The following DOK5 variants were observed in gnomAD, a reference collection of about 807,000 sequenced individuals.
The protein encoded by DOK5 is docking protein 5.
In DOK5, 27 loss-of-function variants were observed where a neutral mutation model predicts 43.3. The observed-to-expected ratio is 0.62, with a 90% CI of 0.46 to 0.86. The LOEUF (loss-of-function observed/expected upper bound fraction) is 0.86. DOK5 is among the 40% of genes least tolerant of loss of function. The pLI is 0.00. For missense variants in DOK5, 373 were observed against 392.9 expected, an observed-to-expected ratio of 0.95 and a Z score of 0.43; for synonymous variants, 146 against 140.1, an observed-to-expected ratio of 1.04 and a Z score of -0.30.
At chr20:54,573,145 G>C (rs1985344884) in intron 2 of DOK5, among the ~76,000 whole-genome samples, 1 of 152,176 alleles carries the variant, frequency 6.6e-6, no homozygotes, top group Non-Finnish European at 1.5e-5. Context: ...AGGAAGTATG[G>C]AAGGAGAGGG....
intron 1 of DOK5, among the ~76,000 whole-genome samples, chr20:54,495,455 G>A (rs1447375977): frequency 2.0e-5 from 3 of 152,210 alleles, no homozygotes; most frequent in Non-Finnish European, 4.4e-5. Flanking sequence ...CCTACTGACT[G>A]AGGGGAGAAA....
chr20:54,482,772 C>T (rs1197881143), intron 1 of DOK5, among the ~76,000 whole-genome samples: 4 of 152,236 alleles, frequency 2.6e-5, no homozygotes, highest in Non-Finnish European at 4.4e-5. Context: ...GCTGGGATTA[C>T]AGGCGTGAGC....
chr20:54,564,254 T>C (rs1419808826), intron 2 of DOK5, among the ~76,000 whole-genome samples: 7 of 151,990 alleles, frequency 4.6e-5, no homozygotes, highest in Non-Finnish European at 8.8e-5. Flanking sequence ...AAACCCCGTC[T>C]CTACTAAAAA....
intron 1 of DOK5, among the ~76,000 whole-genome samples, chr20:54,493,708 G>T (rs1249594685): frequency 6.6e-6 from 1 of 152,114 alleles, no homozygotes; most frequent in African/African-American, 2.4e-5. Context: ...AGGCTGAGGT[G>T]GGAGGATTGC....
Position 54,651,098 on chromosome 20 carries a change from T to G in DOK5, c.*619T>G, listed in dbSNP as rs1404834866. ...TGCTTTCCTCACCCCTTTACCCCCC[T>G]TTTTGAAAGCCTTTATTTTGTTCGG... is the stretch of plus-strand genomic sequence containing the variant. On this transcript the variant is annotated 3_prime_UTR_variant, in exon 8 of 8. Coordinates refer to ENST00000262593, the MANE Select transcript of DOK5 (RefSeq NM_018431.5). 1 of 152,208 alleles carries G rather than the reference T, an allele frequency of 6.6e-6. No individual in the cohort carries two copies. Among genetic ancestry groups the G allele is most frequent in the Non-Finnish European group, 1.5e-5 (1 of 68,056 alleles). 9.4% of individuals were successfully genotyped at this position (152,208 alleles called of 1,614,324 possible). A position where few individuals can be genotyped will look rare whatever the true frequency, so the allele number is the denominator to read the frequency against.
At chr20:54,503,882 C>G (rs1278987489) in intron 1 of DOK5, among the ~76,000 whole-genome samples, 2 of 152,148 alleles carry the variant, frequency 1.3e-5, no homozygotes, top group Non-Finnish European at 2.9e-5. Context: ...CTAGAAGCAT[C>G]TGATTTTCAA....
At chr20:54,626,906 T>C (rs1978330851) in intron 6 of DOK5, among the ~76,000 whole-genome samples, 1 of 152,214 alleles carries the variant, frequency 6.6e-6, no homozygotes, top group African/African-American at 2.4e-5. Flanking sequence ...TTAAATTTTA[T>C]TGGAACACAG....
chr20:54,553,469 A>G (rs1053507961), intron 1 of DOK5, among the ~76,000 whole-genome samples: 1 of 151,038 alleles, frequency 6.6e-6, no homozygotes, highest in Non-Finnish European at 1.5e-5. Context: ...TGCTGGGATT[A>G]CAGGCGTGAG....
At chr20:54,633,272 G>A (rs1978655527) in intron 6 of DOK5, among the ~76,000 whole-genome samples, 2 of 152,152 alleles carry the variant, frequency 1.3e-5, no homozygotes, top group Admixed American at 6.6e-5. Flanking sequence ...ATTTTCACAA[G>A]AGAATAAGTA....
At chr20:54,644,083 G>A (rs896133884) in intron 7 of DOK5, among the ~76,000 whole-genome samples, 1 of 152,196 alleles carries the variant, frequency 6.6e-6, no homozygotes, top group African/African-American at 2.4e-5. Context: ...AAGTCCTCCA[G>A]GTGATTCTCC....
chr20:54,619,831 A>G (rs1393941479), intron 6 of DOK5, among the ~76,000 whole-genome samples: 1 of 152,242 alleles, frequency 6.6e-6, no homozygotes, highest in Admixed American at 6.5e-5. Flanking sequence ...TATGCTACAC[A>G]TTTGGCTTTC....
intron 6 of DOK5, among the ~76,000 whole-genome samples, chr20:54,635,671 A>T (rs2146821873): frequency 6.6e-6 from 1 of 152,278 alleles, no homozygotes; most frequent in Admixed American, 6.5e-5. Context: ...AACATATAAA[A>T]CCAAGCTGTA....
intron 5 of DOK5, among the ~76,000 whole-genome samples, chr20:54,603,658 C>T (rs983567603): frequency 6.6e-6 from 1 of 152,142 alleles, no homozygotes; most frequent in Non-Finnish European, 1.5e-5. Context: ...GGATGCTGCT[C>T]AGTAAACTAC....
intron 7 of DOK5, among the ~76,000 whole-genome samples, chr20:54,646,516 G>A (rs891275282): frequency 3.9e-5 from 6 of 151,970 alleles, no homozygotes; most frequent in Non-Finnish European, 7.4e-5. Flanking sequence ...GCCTCCCAAA[G>A]TGCTGGAATT....
intron 1 of DOK5, among the ~76,000 whole-genome samples, chr20:54,478,489 A>G (rs1981527636): frequency 6.6e-6 from 1 of 152,242 alleles, no homozygotes; most frequent in African/African-American, 2.4e-5. Context: ...ATATGTGCTG[A>G]ACTATATAGT....
chr20:54,547,337 C>A (rs1464387071), intron 1 of DOK5, among the ~76,000 whole-genome samples: 1 of 152,138 alleles, frequency 6.6e-6, no homozygotes, highest in Non-Finnish European at 1.5e-5. Flanking sequence ...CAGCCCCAGG[C>A]AGTGTACTAT....
intron 7 of DOK5, among the ~76,000 whole-genome samples, chr20:54,645,166 G>C (rs1014344492): frequency 6.6e-6 from 1 of 151,974 alleles, no homozygotes; most frequent in African/African-American, 2.4e-5. Flanking sequence ...ACTACACGTA[G>C]TTTACGTGCA....
At chr20:54,536,112 T>C (rs1359729830) in intron 1 of DOK5, among the ~76,000 whole-genome samples, 3 of 152,362 alleles carry the variant, frequency 2.0e-5, no homozygotes, top group Non-Finnish European at 4.4e-5. Context: ...TGTGTTTTTA[T>C]ATTCTAAAGA....
chr20:54,501,493 GAAGAA>G (rs1413736146), intron 1 of DOK5, among the ~76,000 whole-genome samples: 3 of 109,876 alleles, frequency 2.7e-5, no homozygotes, highest in Non-Finnish European at 5.3e-5. Context: ...AAAAAAAAAA[GAAGAA>G]AAGGAAAAAG....
Sources: gnomAD v4.1 joint callset for allele counts (sites outside exome capture counted in the v4.1 genomes callset) on GRCh38, gnomAD v4.1.1 for gene constraint, MANE v1.5 for transcripts, NCBI Gene and HGNC (gene_info 2026-07-23, HGNC 2026-07-21) for gene names.